The following CDH16 variants were observed in gnomAD, a reference collection of about 807,000 sequenced individuals.
The protein encoded by CDH16 is cadherin 16, also known as cadherin-16.
In CDH16, 79 loss-of-function variants were observed where a neutral mutation model predicts 87.6. The ratio of observed to expected loss-of-function variants is 0.90; its 90% CI spans 0.75 to 1.09. CDH16 has a LOEUF of 1.09. Ranked by LOEUF, CDH16 falls within the 50% of genes least tolerant of loss-of-function variation. The pLI, the probability that CDH16 is intolerant of heterozygous loss-of-function variation, is 0.00. For missense variants in CDH16, 1,124 were observed against 1,071.7 expected, an observed-to-expected ratio of 1.05 and a Z score of -0.68; for synonymous variants, 457 against 439.5, an observed-to-expected ratio of 1.04 and a Z score of -0.50.
Position 66,909,180 on chromosome 16 carries a change from C to G in CDH16, c.2392+87G>C, listed in dbSNP as rs545931677. 7.1e-6 allele frequency: 6 copies of G among 845,942 alleles called. No homozygotes were observed. In the African/African-American group the frequency reaches 8.3e-5, roughly 12 times the overall value. The allele number at this position is 845,942 out of a possible 1,614,324, so 52.4% of individuals were successfully genotyped here. ...GCTTCCTTTTTCAGAGCTAGGGGCA[C>G]CATGGGGACAAAGGTGTTTATTTGG... On this transcript the variant is annotated intron_variant, in intron 17 of 17. Transcript: ENST00000299752. This position sits in a 1 kb window ranked among gnomAD's most constrained non-coding sequence, Gnocchi z 4.1.
chr16:66,911,350 G>C, intron 13 of CDH16, 35 bp from the exon 14 acceptor site: 1 of 1,607,880 alleles, frequency 6.2e-7, no homozygotes, highest in Non-Finnish European at 8.5e-7. Context: ...GAGGTACTGG[G>C]ACTACATATA....
chr16:66,908,710 C>T (rs1178201862), intron 17 of CDH16, among the ~76,000 whole-genome samples: 1 of 152,118 alleles, frequency 6.6e-6, no homozygotes, highest in African/African-American at 2.4e-5. Flanking sequence ...GTATACTCAG[C>T]CTCCAAAGTC....
intron 1 of CDH16, among the ~76,000 whole-genome samples, 183 bp downstream of exon 1, chr16:66,918,621 T>C (rs931975132): frequency 9.2e-5 from 14 of 152,148 alleles, no homozygotes; most frequent in Admixed American, 2.0e-4. Flanking sequence ...CCGGCCCTTG[T>C]CTCATCATTT....
rs1478961872 is a variant in CDH16 at position 66,916,577 on chromosome 16, GGACTGA to G, written c.130-154_130-149del. 5.4e-5 allele frequency: 47 copies of G among 873,114 alleles called. No individual in the cohort carries two copies. Among genetic ancestry groups the G allele is most frequent in the Non-Finnish European group, 7.4e-5 (44 of 592,586 alleles). The allele number at this position is 873,114 out of a possible 1,614,324, so 54.1% of individuals were successfully genotyped here. A position where few individuals can be genotyped will look rare whatever the true frequency, so the allele number is the denominator to read the frequency against. ...GAGGTCACACAGCCAGTAAGCATCA[GGACTGA>G]GACTCAGAGCCAGAACTCTTTTCCC... On this transcript the variant is annotated intron_variant, in intron 3 of 17. Coordinates refer to ENST00000299752, the MANE Select transcript of CDH16 (RefSeq NM_004062.4). The surrounding 1 kb of genome is among the most constrained non-coding windows in gnomAD (Gnocchi z 4.1).
chr16:66,910,989 A>G (rs547710935), intron 14 of CDH16, 193 bp downstream of exon 14: 4 of 551,542 alleles, frequency 7.3e-6, no homozygotes, highest in Non-Finnish European at 1.3e-5. Flanking sequence ...GAGGGGAGGC[A>G]GATGCCAGAC....
chr16:66,911,903 G>A lies in CDH16; in HGVS notation c.1786C>T (p.Leu596Phe). The A allele has an allele frequency of 6.3e-7, 1 of 1,595,380 alleles. No individual in the cohort carries two copies. Among genetic ancestry groups the A allele is most frequent in the South Asian group, 1.1e-5 (1 of 88,470 alleles). Residue 596 changes from leucine to phenylalanine, a missense_variant, in exon 13 of 18, where the codon CTC becomes TTC. Transcript: ENST00000299752. ...IQPSDPISRT[L>F]RFSLVNDSEG... ...GGGGCTGGGATTTTAGCTCACCTGA[G>A]GGTTCGGCTGATGGGGTCGGAGGGC...
At position 66,909,838 on chromosome 16, in the gene CDH16, A is replaced by T; in HGVS notation, c.2275+148T>A. 1.6e-6 allele frequency: 1 copy of T among 644,062 alleles called. No individual in the cohort carries two copies. Among genetic ancestry groups the T allele is most frequent in the Non-Finnish European group, 2.7e-6 (1 of 365,762 alleles). The allele number at this position is 644,062 out of a possible 1,614,324, so 39.9% of individuals were successfully genotyped here. ...CCTCTGTGCCTGTTCCTGTGTGCCC[A>T]GGTATGTGTGCCCAGCCATAGGTGT... On this transcript the variant is annotated intron_variant, in intron 16 of 17. Transcript: ENST00000299752. This position sits in a 1 kb window ranked among gnomAD's most constrained non-coding sequence, Gnocchi z 4.1.
chr16:66,915,984 T>C (rs1596984828), intron 5 of CDH16, 81 bp downstream of exon 5: 2 of 1,517,880 alleles, frequency 1.3e-6, no homozygotes, highest in South Asian at 1.1e-5. Context: ...CTATGCCAAC[T>C]GTCTGGCCAT....
Position 66,915,232 on chromosome 16 carries a change from G to A in CDH16, c.571C>T (p.Leu191Phe), listed in dbSNP as rs2271024. 9.6e-5 allele frequency: 154 copies of A among 1,611,534 alleles called. No individual in the cohort carries two copies. In the East Asian group the frequency reaches 3.4e-3, roughly 35 times the overall value. ...QLEPRLGALA[L>F]SPKGSTSLDH... ...CGCTCGGGCTTACCCTTGGGGCTGA[G>A]GGCCAGAGCCCCCAGCCGAGGCTCC... The change falls in exon 6 of 18, where the codon CTC becomes TTC. Residue 191 changes from leucine to phenylalanine, a missense_variant. Leu to Phe is a conservative substitution (Grantham distance 22). Coordinates refer to ENST00000299752, the MANE Select transcript of CDH16 (RefSeq NM_004062.4).
intron 6 of CDH16, 43 bp downstream of exon 6, chr16:66,915,176 CT>C: frequency 6.5e-7 from 1 of 1,541,014 alleles, no homozygotes; most frequent in East Asian, 2.3e-5. Context: ...CCTTCTCCAG[CT>C]TTCTCTGACC....
rs760222694 is a variant in CDH16 at position 66,910,057 on chromosome 16, A to G, written c.2204T>C (p.Val735Ala). The G allele has an allele frequency of 6.2e-7, 1 of 1,612,872 alleles. No individual in the cohort carries two copies. Among genetic ancestry groups the G allele is most frequent in the African/African-American group, 1.3e-5 (1 of 74,898 alleles). Residue 735 changes from valine (V) to alanine (A), a missense_variant, in exon 16 of 18, where the codon GTG becomes GCG. Coordinates refer to ENST00000299752, the MANE Select transcript of CDH16 (RefSeq NM_004062.4). Reference protein sequence around the residue: ...HAYLTLALHWVEPREHIIPVV... With the variant: ...HAYLTLALHWAEPREHIIPVV... ...GGGGATTATGTGTTCACGTGGCTCC[A>G]CCCAATGCAGGGCCAAGGTGAGGTA...
In CDH16 at chr16:66,908,186, T is replaced by G; in HGVS notation, c.*206A>C. The G allele has an allele frequency of 3.4e-6, 2 of 580,686 alleles. No individual in the cohort carries two copies. The highest frequency in any genetic ancestry group is 1.9e-5 in the African/African-American group (1 of 53,674). 36.0% of individuals were successfully genotyped at this position (580,686 alleles called of 1,614,324 possible). ...TATTATTGGGCAAACACCCTGACAT[T>G]TGGAGCACTCCCATGGGCAGTCCAT... On this transcript the variant is annotated 3_prime_UTR_variant, in exon 18 of 18. Coordinates refer to ENST00000299752, the MANE Select transcript of CDH16 (RefSeq NM_004062.4).
intron 15 of CDH16, 59 bp from the exon 16 acceptor site, chr16:66,910,152 G>A: frequency 1.3e-6 from 2 of 1,561,496 alleles, no homozygotes; most frequent in Non-Finnish European, 1.7e-6. Context: ...TCTGGGGGCT[G>A]CTCCCCCTAG....
At position 66,911,934 on chromosome 16, in the gene CDH16, G is replaced by A; in HGVS notation, c.1755C>T (p.Thr585=). Residue 585 remains threonine, a synonymous_variant, in exon 13 of 18, where the codon ACC becomes ACT. Transcript: ENST00000299752. Reference sequence around the variant, plus strand: ...GGCTGATGGGGTCGGAGGGCTGGATGGTCAGCAGGAAAGAGCCGGCTGGGG... The same window carrying A: ...GGCTGATGGGGTCGGAGGGCTGGATAGTCAGCAGGAAAGAGCCGGCTGGGG... The part of the protein sequence containing the change: ...ISAPAGSFLL[T]IQPSDPISRT... The A allele has an allele frequency of 6.2e-7, 1 of 1,611,416 alleles. No homozygotes were observed. The highest frequency in any genetic ancestry group is 1.3e-5 in the African/African-American group (1 of 75,018).
intron 9 of CDH16, 113 bp downstream of exon 9, chr16:66,913,018 G>T: frequency 7.6e-7 from 1 of 1,311,774 alleles, no homozygotes; most frequent in Non-Finnish European, 1.1e-6. Context: ...GTGTGTGTGT[G>T]TGTGTTATGG....
Position 66,916,287 on chromosome 16 carries a change from T to C in CDH16, c.272A>G (p.Glu91Gly), listed in dbSNP as rs1421302497. 5 of 1,613,528 alleles carry C rather than the reference T, an allele frequency of 3.1e-6. No homozygotes were observed. In the African/African-American group the frequency reaches 4.0e-5, roughly 13 times the overall value. ...TRALDREEQA[E>G]YQLQVTLEMQ... ...GCCCAGCCATACCTGTAGCTGGTAC[T>C]CTGCCTGCTCCTCTCGGTCCAGGGC... The change falls in exon 4 of 18, where the codon GAG becomes GGG. Residue 91 changes from glutamate to glycine, a missense_variant. Glu to Gly is a moderately conservative substitution (Grantham distance 98, BLOSUM62 -2). Transcript: ENST00000299752. The surrounding 1 kb of genome is among the most constrained non-coding windows in gnomAD (Gnocchi z 4.1).
rs765875509 is a variant in CDH16, at chr16:66,910,107, A to G, written c.2168-14T>C. On this transcript the variant is annotated splice_polypyrimidine_tract_variant and intron_variant, in intron 15 of 17. Coordinates refer to ENST00000299752, the MANE Select transcript of CDH16 (RefSeq NM_004062.4). ...AGGCATGGGAACCTTTTGGGACAGC[A>G]GGCAAAGACCAGGGTCACCAGCCTG... 4.4e-6 allele frequency: 7 copies of G among 1,603,632 alleles called. No individual in the cohort carries two copies. Among genetic ancestry groups the G allele is most frequent in the Non-Finnish European group, 6.0e-6 (7 of 1,174,122 alleles).
Position 66,913,175 on chromosome 16 carries a change from G to C in CDH16, c.1010C>G (p.Pro337Arg). ...GATGCTGACTGTGGGGTCACGGGGA[G>C]GGCAGATAGGCACGTTGTCATTCTC... ...MDENDNVPICPPRDPTVSIPE... is the reference protein window; with the variant it reads ...MDENDNVPICRPRDPTVSIPE... The change falls in exon 9 of 18, where the codon CCT becomes CGT. Residue 337 changes from proline (P) to arginine (R), a missense_variant. By Grantham distance (103) the Pro-to-Arg change is moderately radical (BLOSUM62 -2). Coordinates refer to ENST00000299752, the MANE Select transcript of CDH16 (RefSeq NM_004062.4). The C allele has an allele frequency of 1.9e-6, 3 of 1,609,284 alleles. No individual in the cohort carries two copies. The highest frequency in any genetic ancestry group is 2.2e-5 in the East Asian group (1 of 44,832).
In CDH16 at chr16:66,911,241, G is replaced by C; in HGVS notation, c.1865C>G (p.Ser622Cys). 1 of 1,613,428 alleles carries C rather than the reference G, an allele frequency of 6.2e-7. No homozygotes were observed. Among genetic ancestry groups the C allele is most frequent in the African/African-American group, 1.3e-5 (1 of 74,944 alleles). ...KFSGEVHTAQ[S>C]LQGAQPGDTY... ...GTCCCCAGGCTGGGCGCCCTGCAGG[G>C]ACTGGGCGGTGTGCACCTCCCCGGA... The change falls in exon 14 of 18, where the codon TCC becomes TGC. Residue 622 changes from serine to cysteine, a missense_variant. Transcript: ENST00000299752.
Sources: gnomAD v4.1 joint callset for allele counts (sites outside exome capture counted in the v4.1 genomes callset) on GRCh38, gnomAD v4.1.1 for gene constraint, Gnocchi (gnomAD v3.1) non-coding constraint, MANE v1.5 for transcripts, NCBI Gene and HGNC (gene_info 2026-07-23, HGNC 2026-07-21) for gene names.